Variants in SPTBN5 observed in about 807,000 individuals in gnomAD.
The protein encoded by SPTBN5 is spectrin beta chain, non-erythrocytic 5.
A neutral mutation model predicts 477.6 loss-of-function variants in SPTBN5; 513 were observed. That is an observed-to-expected ratio of 1.07 (90% CI 1.00 to 1.16). The LOEUF is 1.16. Among genes scored for constraint, SPTBN5 ranks in the 50% most tolerant of loss-of-function variants. The pLI is 0.00. For missense variants in SPTBN5, 5,062 were observed against 4,731.8 expected, an observed-to-expected ratio of 1.07 and a Z score of -2.05; for synonymous variants, 2,169 against 2,011.7, an observed-to-expected ratio of 1.08 and a Z score of -2.09.
intron 51 of SPTBN5, 65 bp from the exon 52 acceptor site, chr15:41,857,104 G>C: frequency 2.0e-6 from 3 of 1,533,648 alleles, no homozygotes; most frequent in Non-Finnish European, 1.8e-6. Flanking sequence ...GGGATACCTG[G>C]TGACACAGAT....
Position 41,862,693 on chromosome 15 carries a change from A to AG in SPTBN5, c.7264-34dup, listed in dbSNP as rs1347117303. ...GGAAGCCGGGGTCAGAGGCTGGGGC[A>AG]GGGGAGCTCTGGGCCACCCAAGCCC... On this transcript the variant is annotated intron_variant, in intron 42 of 67. Coordinates refer to ENST00000320955, the MANE Select transcript of SPTBN5 (RefSeq NM_016642.4). The AG allele has an allele frequency of 3.2e-6, 5 of 1,541,270 alleles. No individual in the cohort carries two copies. In the East Asian group the frequency reaches 1.2e-4, roughly 37 times the overall value.
intron 63 of SPTBN5, among the ~76,000 whole-genome samples, 156 bp from the exon 64 acceptor site, chr15:41,851,525 C>G (rs1010660326): frequency 1.5e-4 from 18 of 123,614 alleles, no homozygotes; most frequent in African/African-American, 5.4e-4. Context: ...GGGGCTCTGA[C>G]GGGAAACCAA....
chr15:41,870,825 T>C (rs1355938948), intron 29 of SPTBN5, among the ~76,000 whole-genome samples: 1 of 152,232 alleles, frequency 6.6e-6, no homozygotes, highest in African/African-American at 2.4e-5. Flanking sequence ...ACTCTTTACA[T>C]CCTGTGCTTT....
At chr15:41,880,609 C>T (rs567241955) in intron 13 of SPTBN5, among the ~76,000 whole-genome samples, 9 of 152,304 alleles carry the variant, frequency 5.9e-5, no homozygotes, top group East Asian at 5.8e-4. Flanking sequence ...GTGAAATCCA[C>T]GCCGCTCCCT....
chr15:41,862,750 A>G, intron 42 of SPTBN5, 40 bp downstream of exon 42: 1 of 1,547,600 alleles, frequency 6.5e-7, no homozygotes, highest in Non-Finnish European at 8.7e-7. Context: ...GGTCCTACTC[A>G]GGAGATGCCC....
chr15:41,890,969 G>A (rs910818248), intron 3 of SPTBN5, among the ~76,000 whole-genome samples: 8 of 152,212 alleles, frequency 5.3e-5, no homozygotes, highest in Non-Finnish European at 1.2e-4. Context: ...TCTAAGCACA[G>A]GACTTCAGGC....
Position 41,892,880 on chromosome 15 carries a change from T to TC in SPTBN5, c.384+13dup. ...GCCCCAGCACCATCCCAGACCCCTT[T>TC]CCCTGGGGCCCACCTTGGCCCTGAG... On this transcript the variant is annotated intron_variant, in intron 3 of 67. Coordinates refer to ENST00000320955, the MANE Select transcript of SPTBN5 (RefSeq NM_016642.4). 1 of 1,584,752 alleles carries TC rather than the reference T, an allele frequency of 6.3e-7. No homozygotes were observed. The highest frequency in any genetic ancestry group is 1.1e-5 in the South Asian group (1 of 89,246).
rs575494243 is a variant in SPTBN5, at chr15:41,857,138, G to T, written c.8622-99C>A. 3.4e-5 allele frequency: 52 copies of T among 1,511,070 alleles called. No homozygotes were observed. In the African/African-American group the frequency reaches 6.6e-4, roughly 19 times the overall value. The allele number at this position is 1,511,070 out of a possible 1,614,324, so 93.6% of individuals were successfully genotyped here. A position where few individuals can be genotyped will look rare whatever the true frequency, so the allele number is the denominator to read the frequency against. On this transcript the variant is annotated intron_variant, in intron 51 of 67. Transcript: ENST00000320955. ...ATCACCCAGCTGTGGCCCTCACCAT[G>T]GGCAAGGGGAGAAAGTGAGAAGACA...
chr15:41,879,877 A>G lies in SPTBN5; in HGVS notation c.2812-13T>C, dbSNP rs1007411678. 7 of 1,613,752 alleles carry G rather than the reference A, an allele frequency of 4.3e-6. No homozygotes were observed. In the Admixed American group the frequency reaches 8.3e-5, roughly 19 times the overall value. On this transcript the variant is annotated splice_polypyrimidine_tract_variant and intron_variant, in intron 14 of 67. Transcript: ENST00000320955. The stretch of plus-strand genomic sequence containing the variant: ...CAGTGAGGAAGTTCTAGGGAAAAGG[A>G]GGACCCAGCCCTCTTGGGGGACTTT...
rs769398729 is a variant in SPTBN5, at chr15:41,857,020, G to C, written c.8641C>G (p.Pro2881Ala). ...AGGGCCGTCCTGCGCTCCTGCAGGG[G>C]CTCCCTCAGGCTCTTGAACCTGCAG... ...LLQRFKSLRE[P>A]LQERRTALEA... is the part of the protein sequence containing the mutation. Residue 2881 changes from proline (P) to alanine (A), a missense_variant, in exon 52 of 68, where the codon CCC becomes GCC. Coordinates refer to ENST00000320955, the MANE Select transcript of SPTBN5 (RefSeq NM_016642.4). 6.9e-6 allele frequency: 11 copies of C among 1,603,484 alleles called. No individual in the cohort carries two copies. In the South Asian group the frequency reaches 1.1e-4, roughly 16 times the overall value.
intron 3 of SPTBN5, 180 bp downstream of exon 3, chr15:41,892,714 G>C (rs922892351): frequency 7.8e-6 from 5 of 637,608 alleles, no homozygotes; most frequent in Non-Finnish European, 1.3e-5. Flanking sequence ...TCCAAGTCAG[G>C]GGTGCTGTGC....
chr15:41,872,470 T>G lies in SPTBN5; in HGVS notation c.5008-11A>C, dbSNP rs752996424. ...TTCCTCCTGTAGAGCCTATGATGCA[T>G]GAGGACCCATGCCAGGCTCAGCCTG... On this transcript the variant is annotated splice_polypyrimidine_tract_variant and intron_variant, in intron 26 of 67. Transcript: ENST00000320955. 8.4e-6 allele frequency: 13 copies of G among 1,548,818 alleles called. No homozygotes were observed. Among genetic ancestry groups the G allele is most frequent in the Non-Finnish European group, 1.0e-5 (12 of 1,145,780 alleles).
At chr15:41,882,898 G>T in intron 9 of SPTBN5, 98 bp downstream of exon 9, 1 of 1,382,468 alleles carries the variant, frequency 7.2e-7, no homozygotes, top group Non-Finnish European at 9.8e-7. Flanking sequence ...TCAGTGTGGA[G>T]AAAACTGGCA....
chr15:41,877,401 T>G, intron 17 of SPTBN5, 45 bp from the exon 18 acceptor site: 1 of 1,579,190 alleles, frequency 6.3e-7, no homozygotes, highest in Non-Finnish European at 8.6e-7. Context: ...GCAGGCTCCC[T>G]CGTCAGCCTC....
chr15:41,866,779 C>G (rs978758180), intron 36 of SPTBN5, among the ~76,000 whole-genome samples, 180 bp downstream of exon 36: 1 of 152,202 alleles, frequency 6.6e-6, no homozygotes, highest in African/African-American at 2.4e-5. Flanking sequence ...GAGCTCGGGA[C>G]ACTGGTGAGG....
Position 41,883,160 on chromosome 15 carries a change from G to A in SPTBN5, c.1728C>T (p.Asp576=), listed in dbSNP as rs572819928. 1 of 1,612,904 alleles carries A rather than the reference G, an allele frequency of 6.2e-7. No individual in the cohort carries two copies. Among genetic ancestry groups the A allele is most frequent in the Non-Finnish European group, 8.5e-7 (1 of 1,179,814 alleles). ...AEVVELLQRH[D]LLEAQVSAHG... ...GGGCCGAGACTTGAGCCTCCAGCAG[G>A]TCATGCCTCTGCAGCAGCTCCACCA... Residue 576 remains aspartate, a synonymous_variant, in exon 9 of 68, where the codon GAC becomes GAT. Transcript: ENST00000320955.
In SPTBN5 at chr15:41,878,360, A is replaced by C. The variant is rs1411292069; in HGVS notation, c.3452T>G (p.Ile1151Ser). The change falls in exon 17 of 68, where the codon ATC becomes AGC. Residue 1151 changes from isoleucine to serine, a missense_variant. By Grantham distance (142) the Ile-to-Ser change is moderately radical. Transcript: ENST00000320955. ...TCCTGACCTCTCCTGCCACAGGTGG[A>C]TCTCCTCCAGCAGGTCTTGGTGCTC... is the stretch of plus-strand genomic sequence containing the variant. The part of the protein sequence containing the change: ...LREHQDLLEE[I>S]HLWQERLQQL... 4.3e-6 allele frequency: 7 copies of C among 1,613,336 alleles called. No individual in the cohort carries two copies. In the African/African-American group the frequency reaches 8.0e-5, roughly 18 times the overall value.
chr15:41,851,875 A>T, intron 62 of SPTBN5, 25 bp from the exon 63 acceptor site: 5 of 1,594,604 alleles, frequency 3.1e-6, no homozygotes, highest in Non-Finnish European at 4.3e-6. Context: ...TGGGGCCCAG[A>T]AATGTCAGGA....
chr15:41,882,237 G>GGCCCCCCCCC, intron 11 of SPTBN5, 32 bp downstream of exon 11: 3 of 357,960 alleles, frequency 8.4e-6, no homozygotes, highest in South Asian at 4.5e-5. Flanking sequence ...GCCGGGCCCC[G>GGCCCCCCCCC]CCCCCACCCC....
Sources: gnomAD v4.1 joint callset for allele counts (sites outside exome capture counted in the v4.1 genomes callset) on GRCh38, gnomAD v4.1.1 for gene constraint, MANE v1.5 for transcripts, NCBI Gene and HGNC (gene_info 2026-07-23, HGNC 2026-07-21) for gene names.